Variants in GRIA4 observed in about 807,000 individuals in gnomAD.
GRIA4 encodes glutamate receptor 4.
Under a neutral mutation model 104.0 loss-of-function variants are expected in GRIA4, and 34 were observed. The observed-to-expected ratio is 0.33, with a 90% CI of 0.25 to 0.44. The LOEUF is 0.44. GRIA4 is among the 20% of genes least tolerant of loss of function. The probability of loss-of-function intolerance (pLI) is 1.00; values close to 1 mark genes in which losing one functional copy is unlikely to be tolerated. For synonymous variants in GRIA4, 386 were observed against 381.9 expected (o/e 1.01, Z -0.13); for missense variants, 750 against 1,096.5 (o/e 0.68, Z 4.46).
At chr11:105,810,936 A>G (rs1292048438) in intron 4 of GRIA4, among the ~76,000 whole-genome samples, 1 of 152,100 alleles carries the variant, frequency 6.6e-6, no homozygotes, top group Non-Finnish European at 1.5e-5. Context: ...ACTATTATTG[A>G]TTACTGCTTA....
At chr11:105,812,681 A>C (rs1943222016) in intron 4 of GRIA4, among the ~76,000 whole-genome samples, 1 of 152,130 alleles carries the variant, frequency 6.6e-6, no homozygotes, top group Admixed American at 6.6e-5. Context: ...AATATTGTTA[A>C]CCCAAATTAG....
intron 5 of GRIA4, among the ~76,000 whole-genome samples, chr11:105,886,908 GAA>G (rs1371965622): frequency 1.5e-5 from 2 of 134,952 alleles, no homozygotes; most frequent in Admixed American, 7.4e-5. Flanking sequence ...AACATTCTCA[GAA>G]AAAAAAAAAG....
chr11:105,765,219 G>C (rs1210540941), intron 4 of GRIA4, among the ~76,000 whole-genome samples: 1 of 152,144 alleles, frequency 6.6e-6, no homozygotes, highest in Non-Finnish European at 1.5e-5. Context: ...TTAATACAAA[G>C]TGTAAAGTGG....
intron 14 of GRIA4, among the ~76,000 whole-genome samples, chr11:105,954,011 T>C (rs74393047): frequency 0.011 from 1,633 of 152,254 alleles, 23 homozygotes; most frequent in Middle Eastern, 0.014. Context: ...CTTGTCTATA[T>C]AAATATGTGT....
rs1387653152 is a variant in GRIA4 at position 105,630,593 on chromosome 11, A to G, written c.247+18159A>G. Among the ~76,000 whole-genome samples, 5 of 152,074 alleles carry G rather than the reference A, an allele frequency of 3.3e-5. No homozygotes were observed. In the East Asian group the frequency reaches 9.6e-4, roughly 29 times the overall value. The stretch of plus-strand genomic sequence containing the variant: ...AAACAAAAAAAACAAAACACCAACT[A>G]AATATGTAGATATGAAAATGAAGGG... On this transcript the variant is annotated intron_variant, in intron 3 of 16. Transcript: ENST00000282499.
intron 3 of GRIA4, among the ~76,000 whole-genome samples, chr11:105,743,223 A>G (rs968130171): frequency 3.9e-5 from 6 of 152,270 alleles, no homozygotes; most frequent in Admixed American, 2.0e-4. Context: ...GCATTTCTCT[A>G]TTTCAGGGAG....
chr11:105,659,334 G>T (rs781171837), intron 3 of GRIA4, among the ~76,000 whole-genome samples: 2 of 152,100 alleles, frequency 1.3e-5, no homozygotes, highest in Non-Finnish European at 2.9e-5. Flanking sequence ...GAGGTGGAGA[G>T]ATATTAAGAG....
At chr11:105,834,712 C>CTT (rs5794429) in intron 4 of GRIA4, among the ~76,000 whole-genome samples, 41,198 of 131,354 alleles carry the variant, frequency 0.31, 6,667 homozygotes, top group South Asian at 0.4. Context: ...TACAAAAAGA[C>CTT]TTTTTTTTTT....
intron 4 of GRIA4, among the ~76,000 whole-genome samples, chr11:105,790,253 C>T (rs1942156043): frequency 6.6e-6 from 1 of 152,194 alleles, no homozygotes; most frequent in Non-Finnish European, 1.5e-5. Context: ...TGTTCTCTAG[C>T]TCACCTGTCA....
At chr11:105,957,047 C>A (rs1948608086) in intron 14 of GRIA4, among the ~76,000 whole-genome samples, 1 of 152,118 alleles carries the variant, frequency 6.6e-6, no homozygotes, top group Admixed American at 6.5e-5. Context: ...AATTTTCTCC[C>A]ATTCTGTAGG....
chr11:105,649,462 T>C (rs1317371983), intron 3 of GRIA4, among the ~76,000 whole-genome samples: 1 of 152,194 alleles, frequency 6.6e-6, no homozygotes, highest in Admixed American at 6.5e-5. Context: ...TACCATTCCA[T>C]TGTTCTCAAT....
intron 3 of GRIA4, among the ~76,000 whole-genome samples, chr11:105,683,483 C>T (rs903130210): frequency 6.6e-5 from 10 of 151,924 alleles, no homozygotes; most frequent in Non-Finnish European, 1.3e-4. Context: ...ATGCTTTTTT[C>T]AGTGTAAAAA....
intron 5 of GRIA4, among the ~76,000 whole-genome samples, chr11:105,876,868 A>T (rs1188756194): frequency 6.6e-6 from 1 of 152,060 alleles, no homozygotes; most frequent in Non-Finnish European, 1.5e-5. Context: ...CCTTTATCCA[A>T]TTTGCCAGTC....
intron 4 of GRIA4, among the ~76,000 whole-genome samples, chr11:105,779,824 T>C (rs992010940): frequency 3.3e-5 from 5 of 151,884 alleles, no homozygotes; most frequent in Admixed American, 1.3e-4. Flanking sequence ...AGGATCATGG[T>C]AAGCTAACTA....
At chr11:105,888,909 T>TA (rs1406522078) in intron 6 of GRIA4, among the ~76,000 whole-genome samples, 2 of 152,164 alleles carry the variant, frequency 1.3e-5, no homozygotes, top group Non-Finnish European at 2.9e-5. Flanking sequence ...GTAGGCTGTT[T>TA]TAGTAGAGTG....
chr11:105,725,491 T>C (rs887205356), intron 3 of GRIA4, among the ~76,000 whole-genome samples: 1 of 152,262 alleles, frequency 6.6e-6, no homozygotes, highest in East Asian at 1.9e-4. Flanking sequence ...AGGGCACCTA[T>C]AATCATAGGT....
At chr11:105,970,681 A>G (rs914894103) in intron 14 of GRIA4, among the ~76,000 whole-genome samples, 1 of 152,214 alleles carries the variant, frequency 6.6e-6, no homozygotes, top group Non-Finnish European at 1.5e-5. Flanking sequence ...CATGTCTTGT[A>G]ACTCCAGATG....
At chr11:105,637,021 T>A (rs1292135303) in intron 3 of GRIA4, among the ~76,000 whole-genome samples, 1 of 152,190 alleles carries the variant, frequency 6.6e-6, no homozygotes, top group Non-Finnish European at 1.5e-5. Flanking sequence ...ATATTGTTAA[T>A]CTAAAATCTC....
chr11:105,949,891 C>A (rs1472986843), intron 14 of GRIA4, among the ~76,000 whole-genome samples: 3 of 152,168 alleles, frequency 2.0e-5, no homozygotes, highest in Non-Finnish European at 4.4e-5. Flanking sequence ...GTTAGACAAA[C>A]CCAGCTTCCT....
Sources: allele counts gnomAD v4.1 joint callset (sites outside exome capture counted in the v4.1 genomes callset), GRCh38; gene constraint gnomAD v4.1.1; transcripts MANE v1.5; gene names NCBI Gene and HGNC (gene_info 2026-07-23, HGNC 2026-07-21).